Variants in FHOD3 observed in about 807,000 individuals in gnomAD.
FHOD3 encodes FH1/FH2 domain-containing protein 3.
In FHOD3, 90 loss-of-function variants were observed where a neutral mutation model predicts 173.0. The ratio of observed to expected loss-of-function variants is 0.52; its 90% confidence interval spans 0.44 to 0.62. The LOEUF (loss-of-function observed/expected upper bound fraction) is 0.62. Among genes scored for constraint, FHOD3 ranks in the 20% least tolerant of loss-of-function variants. The probability of loss-of-function intolerance (pLI) is 0.00; values close to 1 mark genes in which losing one functional copy is unlikely to be tolerated. For synonymous variants in FHOD3, 828 were observed against 823.0 expected (o/e 1.01, Z -0.10); for missense variants, 1,945 against 2,034.7 (o/e 0.96, Z 0.85).
intron 3 of FHOD3, among the ~76,000 whole-genome samples, chr18:36,470,104 C>T (rs930096376): frequency 6.6e-6 from 1 of 152,194 alleles, no homozygotes; most frequent in Admixed American, 6.5e-5. Flanking sequence ...CCGAGGCAGG[C>T]AGGGGCCATG....
chr18:36,720,762 C>CCTCCTT (rs1429435208), intron 19 of FHOD3, among the ~76,000 whole-genome samples: 7 of 148,938 alleles, frequency 4.7e-5, no homozygotes, highest in South Asian at 2.2e-4. Flanking sequence ...TCCTCCTGCT[C>CCTCCTT]CTTCTCCTCC....
intron 1 of FHOD3, among the ~76,000 whole-genome samples, chr18:36,340,582 G>T (rs368803402): frequency 4.1e-5 from 6 of 144,666 alleles, no homozygotes; most frequent in African/African-American, 5.1e-5. Flanking sequence ...GCTTTCTCTT[G>T]TTTTTTTTTT....
chr18:36,625,777 G>T (rs916951667), intron 10 of FHOD3, 28 bp downstream of exon 10: 4 of 1,552,702 alleles, frequency 2.6e-6, no homozygotes, highest in Non-Finnish European at 3.5e-6. Flanking sequence ...AGTGGAGAGG[G>T]GTGCAAGGAT....
At chr18:36,649,765 A>T (rs534496409) in intron 11 of FHOD3, among the ~76,000 whole-genome samples, 5 of 152,210 alleles carry the variant, frequency 3.3e-5, no homozygotes, top group Non-Finnish European at 5.9e-5. Context: ...GCATTGCAGT[A>T]AGAAGAATTC....
In FHOD3 at chr18:36,441,013, T is replaced by C. The variant is rs16967870; in HGVS notation, c.338-60919T>C. On this transcript the variant is annotated intron_variant, in intron 3 of 28. Transcript: ENST00000590592. ...CATGGTCTTAGAGCATGCTATACTT[T>C]TTGCTTTTTTATAATATTTTCCCCA... Among the ~76,000 whole-genome samples, 1,242 of 152,338 alleles carry C rather than the reference T, an allele frequency of 8.2e-3. 14 individuals are homozygous for C. Among genetic ancestry groups the C allele is most frequent in the African/African-American group, 0.029 (1,189 of 41,574 alleles).
intron 6 of FHOD3, among the ~76,000 whole-genome samples, chr18:36,584,070 C>T (rs957519616): frequency 1.3e-5 from 2 of 152,176 alleles, no homozygotes; most frequent in African/African-American, 4.8e-5. Flanking sequence ...TTAGGTGATT[C>T]TCCCACCTTG....
intron 5 of FHOD3, among the ~76,000 whole-genome samples, chr18:36,515,176 A>G (rs2055896244): frequency 6.6e-6 from 1 of 152,108 alleles, no homozygotes; most frequent in African/African-American, 2.4e-5. Context: ...CACATCCTCT[A>G]CCTTAGTGAA....
intron 3 of FHOD3, among the ~76,000 whole-genome samples, chr18:36,431,171 A>G (rs1284227368): frequency 2.0e-5 from 3 of 152,262 alleles, no homozygotes; most frequent in African/African-American, 7.2e-5. Flanking sequence ...AAGTTGAACA[A>G]ACATTTATAT....
At chr18:36,551,942 C>T (rs2057674725) in intron 5 of FHOD3, among the ~76,000 whole-genome samples, 1 of 152,148 alleles carries the variant, frequency 6.6e-6, no homozygotes, top group African/African-American at 2.4e-5. Context: ...ATGCCTCCAG[C>T]TTTGTTCTTT....
chr18:36,532,245 C>A (rs1228797057), intron 5 of FHOD3, among the ~76,000 whole-genome samples: 2 of 152,188 alleles, frequency 1.3e-5, no homozygotes, highest in African/African-American at 4.8e-5. Context: ...ATCTCTTTCT[C>A]AGTGAGTGTT....
intron 1 of FHOD3, among the ~76,000 whole-genome samples, chr18:36,340,799 G>A (rs1398501414): frequency 1.3e-5 from 2 of 151,860 alleles, no homozygotes; most frequent in South Asian, 2.1e-4. Context: ...ACCACGCCCG[G>A]CTAATTTTTT....
At chr18:36,535,030 G>A (rs535811309) in intron 5 of FHOD3, among the ~76,000 whole-genome samples, 7 of 152,034 alleles carry the variant, frequency 4.6e-5, no homozygotes, top group African/African-American at 9.7e-5. Context: ...AACTTGTCCC[G>A]TTTGTTCCTT....
At chr18:36,317,753 G>A (rs1401825931) in intron 1 of FHOD3, among the ~76,000 whole-genome samples, 1 of 152,070 alleles carries the variant, frequency 6.6e-6, no homozygotes, top group East Asian at 1.9e-4. Flanking sequence ...TGTGAATTTT[G>A]GCTTTTGTTG....
At chr18:36,458,255 G>A (rs2052338813) in intron 3 of FHOD3, among the ~76,000 whole-genome samples, 2 of 152,160 alleles carry the variant, frequency 1.3e-5, no homozygotes. Flanking sequence ...AGGGACGTGG[G>A]AACTTATCAG....
intron 2 of FHOD3, among the ~76,000 whole-genome samples, chr18:36,370,349 C>G (rs900662951): frequency 1.8e-4 from 28 of 151,820 alleles, no homozygotes; most frequent in African/African-American, 6.3e-4. Context: ...CTTCTATGCT[C>G]TCTTAATTTC....
chr18:36,418,688 G>A (rs1026251473), intron 3 of FHOD3, among the ~76,000 whole-genome samples: 1 of 152,130 alleles, frequency 6.6e-6, no homozygotes, highest in Non-Finnish European at 1.5e-5. Flanking sequence ...TGAGAGGCAG[G>A]AGCATCTCTT....
intron 3 of FHOD3, among the ~76,000 whole-genome samples, chr18:36,443,651 T>C (rs1051878585): frequency 3.9e-5 from 6 of 152,194 alleles, no homozygotes; most frequent in African/African-American, 1.4e-4. Flanking sequence ...GAAACCAAGA[T>C]CTTGAAGGCT....
At position 36,769,367 on chromosome 18, in the gene FHOD3, T is replaced by G. The variant is rs1053578528; in HGVS notation, c.4727T>G (p.Val1576Gly). Residue 1576 changes from valine to glycine, a missense_variant, in exon 28 of 29, where the codon GTG becomes GGG. Transcript: ENST00000590592. ...MDRIVKSATQVPSQRVVPRER... is the reference protein window; with the variant it reads ...MDRIVKSATQGPSQRVVPRER... ...CGCATCGTCAAGTCAGCCACCCAAG[T>G]GCCCAGTCAGCGAGTGGTGCCGAGG... The G allele has an allele frequency of 2.5e-6, 4 of 1,614,042 alleles. No homozygotes were observed. The highest frequency in any genetic ancestry group is 3.4e-6 in the Non-Finnish European group (4 of 1,180,004).
intron 14 of FHOD3, among the ~76,000 whole-genome samples, chr18:36,668,496 G>A (rs1026844053): frequency 6.6e-6 from 1 of 151,364 alleles, no homozygotes; most frequent in African/African-American, 2.4e-5. Flanking sequence ...TTTTTATACT[G>A]TTTTTCTGTT....
Sources: allele counts gnomAD v4.1 joint callset (sites outside exome capture counted in the v4.1 genomes callset), GRCh38; gene constraint gnomAD v4.1.1; transcripts MANE v1.5; gene names NCBI Gene and HGNC (gene_info 2026-07-23, HGNC 2026-07-21).